DCLK1: variants seen among roughly 807,000 people sequenced by gnomAD.
The protein encoded by DCLK1 is doublecortin like kinase 1, also known as serine/threonine-protein kinase DCLK1.
DCLK1 carries 16 observed loss-of-function variants against 86.2 expected under a neutral mutation model. That is an observed-to-expected ratio of 0.19 (90% CI 0.13 to 0.28). DCLK1 has a LOEUF of 0.28. Among genes scored for constraint, DCLK1 ranks in the 10% least tolerant of loss-of-function variants. The pLI is 1.00. For missense variants in DCLK1, 590 were observed against 940.2 expected (o/e 0.63, Z 4.87); for synonymous variants, 369 against 370.5 (o/e 1.00, Z 0.05).
intron 3 of DCLK1, among the ~76,000 whole-genome samples, chr13:36,031,954 G>A (rs1882295870): frequency 6.6e-6 from 1 of 152,158 alleles, no homozygotes; most frequent in Non-Finnish European, 1.5e-5. Context: ...ACTTTAGGTG[G>A]AAGGAGAAGA....
intron 4 of DCLK1, among the ~76,000 whole-genome samples, chr13:35,889,660 G>A (rs1873515625): frequency 6.6e-6 from 1 of 152,064 alleles, no homozygotes; most frequent in African/African-American, 2.4e-5. Flanking sequence ...AAGATTTGGT[G>A]ATACATCTTA....
Position 35,779,863 on chromosome 13 carries a change from C to T in DCLK1, c.2059-5164G>A, listed in dbSNP as rs143924302. Among the ~76,000 whole-genome samples, 59 of 152,074 alleles carry T rather than the reference C, an allele frequency of 3.9e-4. No homozygotes were observed. The East Asian group carries it at 0.011, about 29-fold the overall frequency. The stretch of plus-strand genomic sequence containing the variant: ...ATCTTTTCCAATTGAATTCTGTAGC[C>T]CATATATGCAGTTTGGGACAGATGA... On this transcript the variant is annotated intron_variant, in intron 16 of 16. Coordinates refer to ENST00000360631, the MANE Select transcript of DCLK1 (RefSeq NM_001330071.2).
chr13:35,801,202 T>G lies in DCLK1; in HGVS notation c.1944+4497A>C, dbSNP rs1045773988. Among the ~76,000 whole-genome samples, 78 of 152,356 alleles carry G rather than the reference T, an allele frequency of 5.1e-4. 2 individuals are homozygous for G. Among genetic ancestry groups the G allele is most frequent in the Admixed American group, 3.1e-3 (47 of 15,302 alleles). ...TTGTGGTAATCAGATATAATTTGAT[T>G]GCCAAATGCAAAATGTCTTACTAAA... On this transcript the variant is annotated intron_variant, in intron 15 of 16. Coordinates refer to ENST00000360631, the MANE Select transcript of DCLK1 (RefSeq NM_001330071.2).
chr13:36,029,313 A>T (rs1327090430), intron 3 of DCLK1, among the ~76,000 whole-genome samples: 1 of 152,158 alleles, frequency 6.6e-6, no homozygotes, highest in Admixed American at 6.5e-5. Flanking sequence ...AGTCATAGTG[A>T]CATGACATGA....
At chr13:36,006,624 G>C (rs1216328945) in intron 3 of DCLK1, among the ~76,000 whole-genome samples, 1 of 152,220 alleles carries the variant, frequency 6.6e-6, no homozygotes, top group Non-Finnish European at 1.5e-5. Context: ...GCCCTGAAAG[G>C]AGAGGCCACG....
At chr13:35,847,362 T>C (rs1870255410) in intron 6 of DCLK1, 1 of 985,228 alleles carries the variant, frequency 1.0e-6, no homozygotes, top group Non-Finnish European at 1.2e-6. Context: ...CAGTAACTTA[T>C]AAGGCTGTAT....
intron 4 of DCLK1, among the ~76,000 whole-genome samples, chr13:35,939,647 T>C (rs890329773): frequency 1.3e-4 from 20 of 152,160 alleles, no homozygotes; most frequent in African/African-American, 4.3e-4. Flanking sequence ...TCCACCTGCC[T>C]CAGCTCCCAA....
intron 3 of DCLK1, among the ~76,000 whole-genome samples, chr13:36,103,139 G>A (rs1018283926): frequency 7.9e-5 from 12 of 152,134 alleles, no homozygotes; most frequent in Non-Finnish European, 1.3e-4. Context: ...AGTGGCTCAC[G>A]CCTGTAATCC....
Position 36,125,590 on chromosome 13 carries a change from T to A in DCLK1, c.376+172A>T, listed in dbSNP as rs186830903. Among the ~76,000 whole-genome samples, 7 of 152,306 alleles carry A rather than the reference T, an allele frequency of 4.6e-5. No individual in the cohort carries two copies. In the East Asian group the frequency reaches 7.7e-4, roughly 17 times the overall value. On this transcript the variant is annotated intron_variant, in intron 2 of 16. Transcript: ENST00000360631. ...TAAGCTACCTGACAATACCATTAAT[T>A]TTTTTTCCTTTTTACTCTACACAAT... is the stretch of plus-strand genomic sequence containing the variant.
rs561386363 is a variant in DCLK1, at chr13:35,903,931, A to G, written c.824-32591T>C. On this transcript the variant is annotated intron_variant, in intron 4 of 16. Transcript: ENST00000360631. ...CTTCAGTGAATTATATACATGAAAGAATATTTCGATCTTAGGAATTCTTCA... is the reference window on the plus strand; with the variant it reads ...CTTCAGTGAATTATATACATGAAAGGATATTTCGATCTTAGGAATTCTTCA... Among the ~76,000 whole-genome samples the G allele has an allele frequency of 3.9e-5, 6 of 152,310 alleles. No individual in the cohort carries two copies. In the East Asian group the frequency reaches 1.2e-3, roughly 29 times the overall value.
At chr13:36,031,944 A>G (rs975130764) in intron 3 of DCLK1, among the ~76,000 whole-genome samples, 13 of 152,124 alleles carry the variant, frequency 8.5e-5, no homozygotes, top group Admixed American at 7.9e-4. Context: ...GCAGCTCAAC[A>G]CTTTAGGTGG....
Position 36,126,078 on chromosome 13 carries a change from T to C in DCLK1, c.60A>G (p.Arg20=), listed in dbSNP as rs907583803. Residue 20 remains arginine (R), a synonymous_variant, in exon 2 of 17, where the codon AGA becomes AGG. Coordinates refer to ENST00000360631, the MANE Select transcript of DCLK1 (RefSeq NM_001330071.2). ...EHFDERDKAQ[R]YSRGSRVNGL... is the part of the protein sequence containing the mutation. ...CGTTCACCCGCGACCCTCGGCTGTA[T>C]CTCTGCGCCTTATCCCGCTCGTCGA... is the stretch of plus-strand genomic sequence containing the variant. 1.2e-6 allele frequency: 2 copies of C among 1,612,272 alleles called. No individual in the cohort carries two copies. The highest frequency in any genetic ancestry group is 2.7e-5 in the African/African-American group (2 of 74,924).
At chr13:35,847,821 A>C (rs1870320435) in intron 6 of DCLK1, 1 of 985,008 alleles carries the variant, frequency 1.0e-6, no homozygotes, top group Non-Finnish European at 1.2e-6. Flanking sequence ...GCGCACAGGG[A>C]TGTATACAGA....
intron 2 of DCLK1, among the ~76,000 whole-genome samples, chr13:36,119,245 T>G (rs1885896976): frequency 6.6e-6 from 1 of 152,162 alleles, no homozygotes. Flanking sequence ...GTAATAGGCC[T>G]TAAAAGAGTG....
chr13:35,836,851 C>T lies in DCLK1; in HGVS notation c.1121-710G>A, dbSNP rs1191761635. ...TGCATTTTGAAATATTTTACAAATG[C>T]CTAATAATGCTTTAAATATCTAAGG... is the stretch of plus-strand genomic sequence containing the variant. On this transcript the variant is annotated intron_variant, in intron 7 of 16. Coordinates refer to ENST00000360631, the MANE Select transcript of DCLK1 (RefSeq NM_001330071.2). Among the ~76,000 whole-genome samples the T allele has an allele frequency of 2.0e-5, 3 of 152,122 alleles. No homozygotes were observed. In the East Asian group the frequency reaches 5.8e-4, roughly 29 times the overall value.
At chr13:35,977,830 G>C (rs543217656) in intron 3 of DCLK1, among the ~76,000 whole-genome samples, 7 of 151,898 alleles carry the variant, frequency 4.6e-5, no homozygotes, top group Non-Finnish European at 1.0e-4. Flanking sequence ...ATGTTGTCTC[G>C]GTGGCATAGC....
chr13:36,047,760 T>C (rs1882971069), intron 3 of DCLK1, among the ~76,000 whole-genome samples: 1 of 152,088 alleles, frequency 6.6e-6, no homozygotes, highest in South Asian at 2.1e-4. Context: ...AAGAGATCTA[T>C]TGTACATCAT....
intron 3 of DCLK1, among the ~76,000 whole-genome samples, chr13:35,961,588 T>TC (rs1307724578): frequency 2.0e-5 from 3 of 152,194 alleles, no homozygotes; most frequent in African/African-American, 7.2e-5. Flanking sequence ...AGATGAACTT[T>TC]CCCCTTGCAT....
At chr13:35,858,080 C>T (rs1871175286) in intron 5 of DCLK1, among the ~76,000 whole-genome samples, 1 of 152,122 alleles carries the variant, frequency 6.6e-6, no homozygotes, top group African/African-American at 2.4e-5. Context: ...TGAAAATGCT[C>T]TCCAGCTCTT....
Sources: allele counts gnomAD v4.1 joint callset (sites outside exome capture counted in the v4.1 genomes callset), GRCh38; gene constraint gnomAD v4.1.1; transcripts MANE v1.5; gene names NCBI Gene and HGNC (gene_info 2026-07-23, HGNC 2026-07-21).